Variants in TTC39C observed in about 807,000 individuals in gnomAD.
TTC39C encodes the protein tetratricopeptide repeat protein 39C.
In TTC39C, 33 loss-of-function variants were observed where a neutral mutation model predicts 76.3. That is an observed-to-expected ratio of 0.43 (90% CI 0.33 to 0.58). The LOEUF is 0.58. TTC39C is among the 20% of genes least tolerant of loss of function. The pLI, the probability that TTC39C is intolerant of heterozygous loss-of-function variation, is 0.04. For synonymous variants in TTC39C, 254 were observed against 260.6 expected (o/e 0.97, Z 0.24); for missense variants, 595 against 701.4 (o/e 0.85, Z 1.71).
At chr18:24,022,968 T>C in intron 1 of TTC39C, 1 of 778,882 alleles carries the variant, frequency 1.3e-6, no homozygotes. Flanking sequence ...CAAAATTGTT[T>C]ACACATCTGC....
chr18:24,069,931 C>A (rs1810548877), intron 4 of TTC39C, among the ~76,000 whole-genome samples: 1 of 152,170 alleles, frequency 6.6e-6, no homozygotes. Context: ...ACAGCAGAAA[C>A]TTCCCATTTT....
intron 1 of TTC39C, among the ~76,000 whole-genome samples, chr18:24,041,103 T>G (rs935208036): frequency 6.6e-6 from 1 of 152,150 alleles, no homozygotes; most frequent in Non-Finnish European, 1.5e-5. Context: ...TGGAAGTATT[T>G]CCTTCTGAAA....
intron 4 of TTC39C, among the ~76,000 whole-genome samples, chr18:24,073,262 G>GC (rs2084262952): frequency 6.6e-6 from 1 of 152,148 alleles, no homozygotes; most frequent in Admixed American, 6.6e-5. Context: ...TAGCTGGTGG[G>GC]CCTCACCTGC....
At chr18:24,109,688 T>G (rs1430309582) in intron 6 of TTC39C, among the ~76,000 whole-genome samples, 1 of 152,198 alleles carries the variant, frequency 6.6e-6, no homozygotes, top group Admixed American at 6.5e-5. Flanking sequence ...TGAAAAATGA[T>G]TGATCATGCA....
rs759061703 is a variant in TTC39C, at chr18:24,114,672, C to T, written c.1078+25C>T. On this transcript the variant is annotated intron_variant, in intron 7 of 13. Transcript: ENST00000317571. ...GGTAAATATGAAATGTCTGTCCAGC[C>T]TCTTGTTAAGAAGTAGTATTAATGC... The T allele has an allele frequency of 5.3e-5, 83 of 1,560,434 alleles. No individual in the cohort carries two copies. In the South Asian group the frequency reaches 8.9e-4, roughly 17 times the overall value.
At chr18:24,103,000 G>A (rs575311105) in intron 6 of TTC39C, among the ~76,000 whole-genome samples, 1 of 152,256 alleles carries the variant, frequency 6.6e-6, no homozygotes, top group East Asian at 1.9e-4. Context: ...TATTTGGGAG[G>A]CTGAGGTGGG....
chr18:24,107,844 C>T (rs574193096), intron 6 of TTC39C, among the ~76,000 whole-genome samples: 52 of 152,088 alleles, frequency 3.4e-4, no homozygotes, highest in African/African-American at 1.2e-3. Flanking sequence ...ATTGCAGCCT[C>T]GACCTCCCGG....
chr18:24,066,361 T>C (rs1052629886), intron 3 of TTC39C, among the ~76,000 whole-genome samples: 1 of 152,212 alleles, frequency 6.6e-6, no homozygotes, highest in Non-Finnish European at 1.5e-5. Context: ...CCTTTTGATA[T>C]CTTAGAATCA....
rs1200196624 is a variant in TTC39C at position 24,108,709 on chromosome 18, CTCCA to C, written c.985-5841_985-5838del. On this transcript the variant is annotated intron_variant, in intron 6 of 13. Transcript: ENST00000317571. Reference sequence around the variant, plus strand: ...GGAAAATGTCACCTGTAGTTAGTTGCTCCATCCCTTTATAGTACATGGTTTATTT... The same window carrying C: ...GGAAAATGTCACCTGTAGTTAGTTGCTCCCTTTATAGTACATGGTTTATTT... Among the ~76,000 whole-genome samples the C allele has an allele frequency of 1.3e-4, 20 of 152,330 alleles. No individual in the cohort carries two copies. The South Asian group carries it at 4.1e-3, about 32-fold the overall frequency.
rs186731437 is a variant in TTC39C, at chr18:24,126,875, A to G, written c.1420+1325A>G. Among the ~76,000 whole-genome samples, 32 of 152,314 alleles carry G rather than the reference A, an allele frequency of 2.1e-4. 1 individual carries two copies. The highest frequency in any genetic ancestry group is 1.8e-3 in the Admixed American group (27 of 15,290). ...CCCCTCCCTTCCTATTGAAGCAAGC[A>G]TAGAACATCTATAAATGTCTAACTC... On this transcript the variant is annotated intron_variant, in intron 10 of 13. Coordinates refer to ENST00000317571, the MANE Select transcript of TTC39C (RefSeq NM_001135993.2).
intron 4 of TTC39C, among the ~76,000 whole-genome samples, chr18:24,079,417 G>T (rs140959168): frequency 9.2e-5 from 14 of 152,156 alleles, no homozygotes; most frequent in African/African-American, 3.4e-4. Context: ...ACTTCAAGTC[G>T]TCTTTGTGGT....
intron 6 of TTC39C, among the ~76,000 whole-genome samples, chr18:24,104,510 T>G (rs1392017657): frequency 2.0e-5 from 3 of 152,308 alleles, no homozygotes; most frequent in African/African-American, 7.2e-5. Context: ...ACCCACCTCA[T>G]CCCTGCCCAG....
At chr18:24,104,697 T>C (rs903676964) in intron 6 of TTC39C, among the ~76,000 whole-genome samples, 83 of 150,592 alleles carry the variant, frequency 5.5e-4, no homozygotes, top group East Asian at 2.6e-3. Context: ...TTTGTGTGTG[T>C]GTGTGTGTGT....
At chr18:24,070,832 G>T (rs894389403) in intron 4 of TTC39C, among the ~76,000 whole-genome samples, 3 of 152,020 alleles carry the variant, frequency 2.0e-5, no homozygotes, top group Admixed American at 2.0e-4. Flanking sequence ...GACAGAGTGA[G>T]ACTTAAAAAG....
upstream of TTC39C, among the ~76,000 whole-genome samples, chr18:24,010,580 C>T (rs912487202): frequency 1.3e-5 from 2 of 152,168 alleles, no homozygotes; most frequent in African/African-American, 2.4e-5. Context: ...CCCTACTCTC[C>T]TCCTTCTTAG....
At chr18:24,061,593 T>TTAA (rs1344347027) in intron 1 of TTC39C, among the ~76,000 whole-genome samples, 1 of 95,824 alleles carries the variant, frequency 1.0e-5, no homozygotes, top group African/African-American at 4.1e-5. Flanking sequence ...TTGAAATAAG[T>TTAA]AAAAAAAAAA....
chr18:24,000,309 T>G (rs971932822), intron 1 of TTC39C: 4 of 152,024 alleles, frequency 2.6e-5, no homozygotes, highest in African/African-American at 9.7e-5. Flanking sequence ...GCAGTCCTTA[T>G]AAGAAGGAGA....
At chr18:24,022,302 G>A (rs900032164) in intron 1 of TTC39C, among the ~76,000 whole-genome samples, 1 of 151,668 alleles carries the variant, frequency 6.6e-6, no homozygotes, top group Non-Finnish European at 1.5e-5. Context: ...TTGTGGGCTG[G>A]CATTGAGCCA....
intron 1 of TTC39C, among the ~76,000 whole-genome samples, chr18:24,057,040 C>G (rs1310503216): frequency 6.6e-6 from 1 of 152,042 alleles, no homozygotes; most frequent in South Asian, 2.1e-4. Context: ...TACATAGAAT[C>G]ATTTAATGAA....
Sources: gnomAD v4.1 joint callset for allele counts (sites outside exome capture counted in the v4.1 genomes callset) on GRCh38, gnomAD v4.1.1 for gene constraint, MANE v1.5 for transcripts, NCBI Gene and HGNC (gene_info 2026-07-23, HGNC 2026-07-21) for gene names.